TLCD3B: variants seen among roughly 807,000 people sequenced by gnomAD.
The protein encoded by TLCD3B is ceramide synthase.
In TLCD3B, 9 loss-of-function variants were observed where a neutral mutation model predicts 23.0. The observed-to-expected ratio is 0.39, with a 90% CI of 0.24 to 0.68. The LOEUF is 0.68. Among genes scored for constraint, TLCD3B ranks in the 30% least tolerant of loss-of-function variants. The probability of loss-of-function intolerance (pLI) is 0.44; values close to 1 mark genes in which losing one functional copy is unlikely to be tolerated. For synonymous variants in TLCD3B, 161 were observed against 161.0 expected, an observed-to-expected ratio of 1.00 and a Z score of 0.00; for missense variants, 307 against 371.8, an observed-to-expected ratio of 0.83 and a Z score of 1.43.
chr16:30,035,567 A>G (rs528901087), upstream of TLCD3B: 16 of 1,225,378 alleles, frequency 1.3e-5, no homozygotes, highest in African/African-American at 2.3e-4. Context: ...CTTCACCCCC[A>G]ATGAGGCAAG....
chr16:30,029,522 G>C lies in TLCD3B; in HGVS notation c.126-7C>G. ...CTGGACAGAGGACACCAGCCTGGGG[G>C]AGAGAGGGAGGCGTGCTAGAAAGGC... On this transcript the variant is annotated splice_region_variant and splice_polypyrimidine_tract_variant and intron_variant, in intron 1 of 4. Transcript: ENST00000380495. The surrounding 1 kb of genome is among the most constrained non-coding windows in gnomAD (Gnocchi z 4.6). 1 of 1,612,432 alleles carries C rather than the reference G, an allele frequency of 6.2e-7. No individual in the cohort carries two copies. Among genetic ancestry groups the C allele is most frequent in the African/African-American group, 1.3e-5 (1 of 75,006 alleles).
chr16:30,033,617 G>A (rs945110016), upstream of TLCD3B: 1 of 152,200 alleles, frequency 6.6e-6, no homozygotes, highest in South Asian at 2.1e-4. Flanking sequence ...GTATGCAGTT[G>A]TCAGTATAGT....
chr16:30,036,487 G>A, intron 3 of TLCD3B: 2 of 1,119,910 alleles, frequency 1.8e-6, no homozygotes, highest in Non-Finnish European at 2.3e-6. Flanking sequence ...TTCCTGAAGT[G>A]TCTTCCAAGG....
intron 3 of TLCD3B, among the ~76,000 whole-genome samples, chr16:30,039,687 G>A (rs1277190815): frequency 6.6e-6 from 1 of 151,910 alleles, no homozygotes; most frequent in Non-Finnish European, 1.5e-5. Context: ...ATGTTGCTCA[G>A]GCTGGTCTTG....
At chr16:30,028,689 C>T (rs569727795) in intron 2 of TLCD3B, among the ~76,000 whole-genome samples, 1 of 152,276 alleles carries the variant, frequency 6.6e-6, no homozygotes, top group South Asian at 2.1e-4. Flanking sequence ...CCATCAGGGG[C>T]GTCCAAATGT....
At chr16:30,026,083 A>T (rs1315848291) in intron 3 of TLCD3B, among the ~76,000 whole-genome samples, 1 of 152,152 alleles carries the variant, frequency 6.6e-6, no homozygotes, top group East Asian at 1.9e-4. Flanking sequence ...AATACCAAAA[A>T]AATTAGCCAG....
chr16:30,027,095 G>A (rs965188512), intron 2 of TLCD3B: 22 of 609,424 alleles, frequency 3.6e-5, no homozygotes, highest in East Asian at 2.5e-4. Flanking sequence ...CAGTATAGTC[G>A]GGGGAAAAGA....
In TLCD3B at chr16:30,030,664, C is replaced by A. The variant is rs2150983669; in HGVS notation, c.-137G>T. The A allele has an allele frequency of 1.7e-6, 2 of 1,144,844 alleles. No individual in the cohort carries two copies. The highest frequency in any genetic ancestry group is 2.1e-6 in the Non-Finnish European group (2 of 939,316). The allele number at this position is 1,144,844 out of a possible 1,614,324, so 70.9% of individuals were successfully genotyped here. A position where few individuals can be genotyped will look rare whatever the true frequency, so the allele number is the denominator to read the frequency against. ...ACGATGAGAAGGGGCACAAAGGGGC[C>A]AGGGCGGGGACGGGATGGGGCCAGG... On this transcript the variant is annotated 5_prime_UTR_variant, in exon 1 of 5. Coordinates refer to ENST00000380495, the MANE Select transcript of TLCD3B (RefSeq NM_031478.6).
chr16:30,025,057 G>A lies in TLCD3B; in HGVS notation c.*126C>T, dbSNP rs1199732354. ...CGAGAGATGGGGCCTCTTCCCTTTC[G>A]GGGTCATCGTCAGTCCTGGGGTTGT... On this transcript the variant is annotated 3_prime_UTR_variant, in exon 5 of 5. Coordinates refer to ENST00000380495, the MANE Select transcript of TLCD3B (RefSeq NM_031478.6). This position sits in a 1 kb window ranked among gnomAD's most constrained non-coding sequence, Gnocchi z 4.1. The A allele has an allele frequency of 6.4e-6, 4 of 628,926 alleles. No homozygotes were observed. The highest frequency in any genetic ancestry group is 1.9e-5 in the African/African-American group (1 of 52,216). The allele number at this position is 628,926 out of a possible 1,614,324, so 39.0% of individuals were successfully genotyped here. A position where few individuals can be genotyped will look rare whatever the true frequency, so the allele number is the denominator to read the frequency against.
intron 2 of TLCD3B, among the ~76,000 whole-genome samples, chr16:30,044,599 A>T (rs1340401801): frequency 6.6e-6 from 1 of 152,252 alleles, no homozygotes; most frequent in African/African-American, 2.4e-5. Context: ...GAAGTAAGCC[A>T]CTGTGGCTAC....
upstream of TLCD3B, among the ~76,000 whole-genome samples, chr16:30,032,152 A>T (rs2071376057): frequency 1.3e-5 from 2 of 152,118 alleles, no homozygotes; most frequent in Admixed American, 1.3e-4. Context: ...TCACTGGCCC[A>T]TAAGGAAAGT....
intron 3 of TLCD3B, among the ~76,000 whole-genome samples, chr16:30,037,599 AT>A (rs2071499379): frequency 6.6e-6 from 1 of 151,924 alleles, no homozygotes; most frequent in South Asian, 2.1e-4. Flanking sequence ...GCAATGACAT[AT>A]ACCTGTGGTC....
intron 3 of TLCD3B, chr16:30,036,330 G>T: frequency 1.6e-6 from 2 of 1,288,854 alleles, no homozygotes; most frequent in Non-Finnish European, 2.0e-6. Context: ...GAAAACAAAA[G>T]AAATAACAGG....
rs1292172094 is a variant in TLCD3B, at chr16:30,027,094, CG to C, written c.210-252del. On this transcript the variant is annotated intron_variant, in intron 2 of 4. Transcript: ENST00000380495. ...TGTTCCTCTCTCTCTGCAGTATAGTCGGGGGAAAAGAAAAGACCAGAAGATG... is the reference window on the plus strand; with the variant it reads ...TGTTCCTCTCTCTCTGCAGTATAGTCGGGGAAAAGAAAAGACCAGAAGATG... 4 of 610,592 alleles carry C rather than the reference CG, an allele frequency of 6.6e-6. No homozygotes were observed. In the East Asian group the frequency reaches 1.4e-4, roughly 21 times the overall value. The allele number at this position is 610,592 out of a possible 1,614,324, so 37.8% of individuals were successfully genotyped here. A position where few individuals can be genotyped will look rare whatever the true frequency, so the allele number is the denominator to read the frequency against.
At chr16:30,044,886 T>C (rs1027850576) in intron 2 of TLCD3B, among the ~76,000 whole-genome samples, 4 of 150,664 alleles carry the variant, frequency 2.7e-5, no homozygotes, top group African/African-American at 9.8e-5. Context: ...AGGTCAAGGG[T>C]TCGAGACCAG....
chr16:30,042,223 TTTAC>T (rs2071589449), intron 2 of TLCD3B, among the ~76,000 whole-genome samples: 1 of 151,946 alleles, frequency 6.6e-6, no homozygotes, highest in African/African-American at 2.4e-5. Context: ...TATTTATTTA[TTTAC>T]TTATTTATTT....
intron 1 of TLCD3B, among the ~76,000 whole-genome samples, chr16:30,051,337 C>A (rs571792449): frequency 3.0e-4 from 46 of 151,894 alleles, no homozygotes; most frequent in South Asian, 8.3e-4. Context: ...AGTTCGAGAC[C>A]AGCCTGACCA....
rs1318257806 is a variant in TLCD3B, at chr16:30,024,810, C to G, written c.*373G>C. On this transcript the variant is annotated 3_prime_UTR_variant, in exon 5 of 5. Transcript: ENST00000380495. The stretch of plus-strand genomic sequence containing the variant: ...TCCTCTCCTCTCGGGTGATGGGGAG[C>G]CCTGGGGGATGGCAGCATAGGGGCT... 1 of 228,864 alleles carries G rather than the reference C, an allele frequency of 4.4e-6. No individual in the cohort carries two copies. Among genetic ancestry groups the G allele is most frequent in the Non-Finnish European group, 8.4e-6 (1 of 119,372 alleles). 14.2% of individuals were successfully genotyped at this position (228,864 alleles called of 1,614,324 possible). A position where few individuals can be genotyped will look rare whatever the true frequency, so the allele number is the denominator to read the frequency against.
At chr16:30,051,789 A>C (rs2071759918) in intron 1 of TLCD3B, among the ~76,000 whole-genome samples, 1 of 152,158 alleles carries the variant, frequency 6.6e-6, no homozygotes. Context: ...CCTCTGCCTG[A>C]GGTTGGCAGG....
Sources: gnomAD v4.1 joint callset for allele counts (sites outside exome capture counted in the v4.1 genomes callset) on GRCh38, gnomAD v4.1.1 for gene constraint, Gnocchi (gnomAD v3.1) non-coding constraint, MANE v1.5 for transcripts, NCBI Gene and HGNC (gene_info 2026-07-23, HGNC 2026-07-21) for gene names.